SUMF1: variants seen among roughly 807,000 people sequenced by gnomAD.
SUMF1 encodes the protein formylglycine-generating enzyme.
A neutral mutation model predicts 47.6 loss-of-function variants in SUMF1; 48 were observed. The ratio of observed to expected loss-of-function variants is 1.01; its 90% CI spans 0.80 to 1.28. The LOEUF (loss-of-function observed/expected upper bound fraction) is 1.28. SUMF1 is among the 50% of genes most tolerant of loss of function. SUMF1 has a pLI of 0.00. For synonymous variants in SUMF1, 230 were observed against 192.1 expected, an observed-to-expected ratio of 1.20 and a Z score of -1.63; for missense variants, 571 against 485.4, an observed-to-expected ratio of 1.18 and a Z score of -1.66.
chr3:4,071,126 A>G (rs1695511030), intron 8 of SUMF1, among the ~76,000 whole-genome samples: 1 of 152,304 alleles, frequency 6.6e-6, no homozygotes, highest in East Asian at 1.9e-4. Flanking sequence ...TGGTGATTCT[A>G]CATACAAGCT....
At chr3:4,145,330 C>G (rs995472108) in intron 8 of SUMF1, among the ~76,000 whole-genome samples, 7 of 151,740 alleles carry the variant, frequency 4.6e-5, no homozygotes, top group African/African-American at 1.7e-4. Context: ...TAAATATTTG[C>G]TGAATGAATG....
intron 8 of SUMF1, among the ~76,000 whole-genome samples, chr3:4,310,142 T>C (rs1479518890): frequency 1.3e-5 from 2 of 152,176 alleles, no homozygotes; most frequent in Non-Finnish European, 2.9e-5. Context: ...AGGACTACCA[T>C]TGTATATGCA....
At position 4,273,806 on chromosome 3, in the gene SUMF1, G is replaced by A. The variant is rs114010600; in HGVS notation, c.1014+102524C>T. 9.1e-5 allele frequency among the ~76,000 whole-genome samples: 11 copies of A among 120,896 alleles called. 1 individual carries two copies. Among genetic ancestry groups the A allele is most frequent in the African/African-American group, 1.7e-4 (5 of 30,002 alleles). The allele number at this position is 120,896 out of a possible 152,430, so 79.3% of individuals were successfully genotyped here. A position where few individuals can be genotyped will look rare whatever the true frequency, so the allele number is the denominator to read the frequency against. ...GGATACGGGAGGGGAGGGCATGGGA[G>A]GGGAGGGCATGGGAGGGGAGGGCAT... On this transcript the variant is annotated intron_variant and NMD_transcript_variant, in intron 8 of 12. Coordinates refer to the SUMF1 transcript ENST00000448413.
At chr3:4,092,796 T>C (rs893650657) in intron 8 of SUMF1, among the ~76,000 whole-genome samples, 3 of 152,140 alleles carry the variant, frequency 2.0e-5, no homozygotes, top group Non-Finnish European at 4.4e-5. Flanking sequence ...AATTGTTGCA[T>C]GTGAAACATT....
At chr3:4,063,423 C>T (rs1032042039) in intron 9 of SUMF1, among the ~76,000 whole-genome samples, 1 of 152,072 alleles carries the variant, frequency 6.6e-6, no homozygotes, top group Admixed American at 6.6e-5. Context: ...CCAAATTCTA[C>T]CTCATTTTAA....
chr3:4,428,427 C>T (rs1235580595), intron 3 of SUMF1, among the ~76,000 whole-genome samples: 2 of 152,132 alleles, frequency 1.3e-5, no homozygotes, highest in African/African-American at 4.8e-5. Flanking sequence ...TATCATAGCT[C>T]ACTGTAACCT....
At chr3:4,132,854 T>C (rs904150048) in intron 8 of SUMF1, among the ~76,000 whole-genome samples, 2 of 152,114 alleles carry the variant, frequency 1.3e-5, no homozygotes, top group Admixed American at 6.5e-5. Context: ...ATACAGGAGA[T>C]CCATTAGGGC....
intron 8 of SUMF1, chr3:4,229,282 C>T: frequency 2.8e-6 from 1 of 355,006 alleles, no homozygotes; most frequent in Non-Finnish European, 5.5e-6. Flanking sequence ...CCTTCATATG[C>T]TAGCAACTAG....
intron 8 of SUMF1, among the ~76,000 whole-genome samples, chr3:4,274,601 G>A (rs920720673): frequency 6.6e-6 from 1 of 152,074 alleles, no homozygotes; most frequent in Non-Finnish European, 1.5e-5. Context: ...TTGTCTTTTT[G>A]GAGTTAGGCA....
intron 8 of SUMF1, among the ~76,000 whole-genome samples, chr3:4,190,554 T>C (rs1160711491): frequency 1.3e-5 from 2 of 152,076 alleles, no homozygotes; most frequent in African/African-American, 4.8e-5. Context: ...AAGTGACCCA[T>C]GATAAAAATA....
intron 9 of SUMF1, among the ~76,000 whole-genome samples, chr3:4,048,750 G>T (rs1440572494): frequency 6.6e-6 from 1 of 152,094 alleles, no homozygotes; most frequent in Non-Finnish European, 1.5e-5. Flanking sequence ...TTGAATAAAT[G>T]CACAAACCAT....
chr3:4,435,808 T>A (rs1250660391), intron 3 of SUMF1, among the ~76,000 whole-genome samples: 1 of 151,726 alleles, frequency 6.6e-6, no homozygotes, highest in Non-Finnish European at 1.5e-5. Flanking sequence ...AATAAAAACA[T>A]CAGATGAAGA....
chr3:4,375,137 A>G (rs913548261), intron 8 of SUMF1, among the ~76,000 whole-genome samples: 1 of 91,542 alleles, frequency 1.1e-5, no homozygotes, highest in Non-Finnish European at 2.2e-5. Flanking sequence ...TCTGTCTCAA[A>G]AAAAAAAAAA....
chr3:4,331,762 G>A (rs761662086), intron 8 of SUMF1, among the ~76,000 whole-genome samples: 7 of 152,158 alleles, frequency 4.6e-5, no homozygotes, highest in African/African-American at 1.2e-4. Flanking sequence ...CTCAAGAGGC[G>A]GAGGTTGCAG....
chr3:4,265,103 C>T (rs1205684997), intron 8 of SUMF1, among the ~76,000 whole-genome samples: 2 of 134,604 alleles, frequency 1.5e-5, no homozygotes, highest in East Asian at 4.4e-4. Context: ...CGCCACTGCA[C>T]TCCAGACTGG....
At chr3:4,434,908 G>C (rs112099377) in intron 3 of SUMF1, among the ~76,000 whole-genome samples, 2,716 of 152,248 alleles carry the variant, frequency 0.018, 27 homozygotes, top group African/African-American at 0.025. Flanking sequence ...TGACCCAGAA[G>C]TTGGAATTAT....
rs183770949 is a variant in SUMF1, at chr3:4,323,542, C to T, written c.1014+52788G>A. 3.6e-3 allele frequency among the ~76,000 whole-genome samples: 550 copies of T among 151,960 alleles called. 3 individuals are homozygous for T. Among genetic ancestry groups the T allele is most frequent in the Middle Eastern group, 6.8e-3 (2 of 294 alleles). On this transcript the variant is annotated intron_variant and NMD_transcript_variant, in intron 8 of 12. Transcript: ENST00000448413. ...ATTTTATGGTATGTGAATTGTATCT[C>T]CTTAAAGATATTATAAGAAAAAGAA...
chr3:4,072,463 A>C (rs1452477435), intron 8 of SUMF1, among the ~76,000 whole-genome samples: 1 of 152,138 alleles, frequency 6.6e-6, no homozygotes, highest in Non-Finnish European at 1.5e-5. Context: ...CAAGGGAACA[A>C]AACTGGATAG....
intron 8 of SUMF1, among the ~76,000 whole-genome samples, chr3:4,331,967 T>A (rs1478504587): frequency 6.6e-6 from 1 of 152,236 alleles, no homozygotes; most frequent in Non-Finnish European, 1.5e-5. Flanking sequence ...TCAGACAAAA[T>A]GTCTAAATTA....
Sources: allele counts gnomAD v4.1 joint callset (sites outside exome capture counted in the v4.1 genomes callset), GRCh38; gene constraint gnomAD v4.1.1; transcripts MANE v1.5; gene names NCBI Gene and HGNC (gene_info 2026-07-23, HGNC 2026-07-21).